The following SDHAF3 variants were observed in gnomAD, a reference collection of about 807,000 sequenced individuals.
SDHAF3 encodes the protein succinate dehydrogenase complex assembly factor 3.
Under a neutral mutation model 11.5 loss-of-function variants are expected in SDHAF3, and 18 were observed. That is an observed-to-expected ratio of 1.56 (90% confidence interval 1.08 to 2.32). SDHAF3 has a LOEUF of 2.32. Ranked by LOEUF, SDHAF3 falls within the 30% of genes most tolerant of loss-of-function variation. The probability of loss-of-function intolerance (pLI) is 0.00; values close to 1 mark genes in which losing one functional copy is unlikely to be tolerated. For missense variants in SDHAF3, 200 were observed against 154.4 expected, an observed-to-expected ratio of 1.30 and a Z score of -1.57; for synonymous variants, 72 against 59.3, an observed-to-expected ratio of 1.21 and a Z score of -0.99.
intron 1 of SDHAF3, among the ~76,000 whole-genome samples, chr7:97,122,307 C>T (rs534824501): frequency 6.6e-6 from 1 of 152,204 alleles, no homozygotes; most frequent in South Asian, 2.1e-4. Flanking sequence ...TCATTGAAGG[C>T]TTTGTAAATG....
chr7:97,155,183 A>T (rs1232838060), intron 1 of SDHAF3, among the ~76,000 whole-genome samples: 1 of 152,224 alleles, frequency 6.6e-6, no homozygotes, highest in East Asian at 1.9e-4. Flanking sequence ...AATTGCATTA[A>T]ACGAGGTCAA....
intron 1 of SDHAF3, among the ~76,000 whole-genome samples, chr7:97,138,902 G>T (rs79140885): frequency 0.016 from 2,383 of 152,268 alleles, 63 homozygotes; most frequent in African/African-American, 0.054. Context: ...TACCCACTAG[G>T]TCCATTGGAC....
chr7:97,119,261 T>C (rs978932053), intron 1 of SDHAF3, among the ~76,000 whole-genome samples: 1 of 152,192 alleles, frequency 6.6e-6, no homozygotes. Flanking sequence ...AGAGTAGCTC[T>C]CTGTTGGGAG....
At chr7:97,171,074 T>C (rs1038809097) in intron 1 of SDHAF3, among the ~76,000 whole-genome samples, 1 of 152,188 alleles carries the variant, frequency 6.6e-6, no homozygotes, top group Admixed American at 6.5e-5. Flanking sequence ...CCAAAGTGTC[T>C]TTGAATTTAG....
intron 1 of SDHAF3, among the ~76,000 whole-genome samples, chr7:97,165,944 G>GT (rs1789497726): frequency 6.6e-6 from 1 of 152,170 alleles, no homozygotes; most frequent in Non-Finnish European, 1.5e-5. Context: ...AACATCAACA[G>GT]TAAGAAGTCT....
At chr7:97,169,322 TAATATC>T (rs1289404649) in intron 1 of SDHAF3, among the ~76,000 whole-genome samples, 3 of 152,140 alleles carry the variant, frequency 2.0e-5, no homozygotes, top group Non-Finnish European at 4.4e-5. Flanking sequence ...AAAAAAGTAT[TAATATC>T]ATGATCGTCT....
chr7:97,176,843 A>C (rs1190193908), intron 1 of SDHAF3, among the ~76,000 whole-genome samples: 3 of 152,158 alleles, frequency 2.0e-5, no homozygotes, highest in Non-Finnish European at 4.4e-5. Flanking sequence ...CAAAAATGGG[A>C]AAGTTATGTA....
chr7:97,129,703 C>A (rs1791636716), intron 1 of SDHAF3, among the ~76,000 whole-genome samples: 1 of 152,176 alleles, frequency 6.6e-6, no homozygotes, highest in Non-Finnish European at 1.5e-5. Context: ...TGGCCGGCAG[C>A]ACCCCTGCCC....
intron 1 of SDHAF3, among the ~76,000 whole-genome samples, chr7:97,140,100 G>A (rs1157266049): frequency 6.6e-6 from 1 of 152,044 alleles, no homozygotes; most frequent in African/African-American, 2.4e-5. Context: ...TCTTTGTCAT[G>A]AATTCTATGT....
chr7:97,171,146 C>T (rs888282635), intron 1 of SDHAF3, among the ~76,000 whole-genome samples: 2 of 151,846 alleles, frequency 1.3e-5, no homozygotes, highest in Non-Finnish European at 2.9e-5. Context: ...GTTTTTGCTC[C>T]TCTAGGAGGC....
chr7:97,174,994 C>T (rs77960590), intron 1 of SDHAF3, among the ~76,000 whole-genome samples: 16,327 of 152,096 alleles, frequency 0.11, 892 homozygotes, highest in Middle Eastern at 0.16. Context: ...TAGAGGCTTA[C>T]TAGGTGTATT....
chr7:97,118,611 GC>G (rs1791446004), intron 1 of SDHAF3, among the ~76,000 whole-genome samples: 1 of 151,458 alleles, frequency 6.6e-6, no homozygotes, highest in Non-Finnish European at 1.5e-5. Flanking sequence ...GGGGCTCGGG[GC>G]CCTGCAGGAT....
chr7:97,154,670 T>G (rs912224862), intron 1 of SDHAF3, among the ~76,000 whole-genome samples: 21 of 151,934 alleles, frequency 1.4e-4, no homozygotes, highest in Admixed American at 1.1e-3. Context: ...GGGGTTATTC[T>G]TTTGGTGTCA....
intron 1 of SDHAF3, among the ~76,000 whole-genome samples, chr7:97,134,047 A>C (rs1003476033): frequency 6.6e-6 from 1 of 152,220 alleles, no homozygotes; most frequent in Admixed American, 6.5e-5. Context: ...TTTAAGAACT[A>C]TCCCACTTAA....
At chr7:97,177,840 A>G (rs909724982) in intron 1 of SDHAF3, among the ~76,000 whole-genome samples, 2 of 152,162 alleles carry the variant, frequency 1.3e-5, no homozygotes, top group African/African-American at 4.8e-5. Flanking sequence ...ATTTTCTTTT[A>G]CATACTTAAC....
intron 1 of SDHAF3, among the ~76,000 whole-genome samples, chr7:97,120,451 A>G (rs1255899276): frequency 2.0e-5 from 3 of 152,100 alleles, no homozygotes; most frequent in Non-Finnish European, 4.4e-5. Flanking sequence ...GAGAAGTTTT[A>G]TCACCAGAGA....
intron 1 of SDHAF3, among the ~76,000 whole-genome samples, chr7:97,161,183 G>A (rs1443792938): frequency 6.6e-6 from 1 of 152,138 alleles, no homozygotes; most frequent in Admixed American, 6.6e-5. Flanking sequence ...TTGCCTGTCT[G>A]TAGGCTAATG....
At chr7:97,138,452 C>T (rs1788967361) in intron 1 of SDHAF3, among the ~76,000 whole-genome samples, 1 of 152,196 alleles carries the variant, frequency 6.6e-6, no homozygotes, top group Non-Finnish European at 1.5e-5. Context: ...CATGAGCCAC[C>T]ACTGCCCAGC....
At chr7:97,129,962 G>A (rs1236551396) in intron 1 of SDHAF3, among the ~76,000 whole-genome samples, 1 of 152,204 alleles carries the variant, frequency 6.6e-6, no homozygotes, top group Admixed American at 6.5e-5. Flanking sequence ...GTGCGAGGCT[G>A]TGGCTGGACC....
Sources: gnomAD v4.1 joint callset for allele counts (sites outside exome capture counted in the v4.1 genomes callset) on GRCh38, gnomAD v4.1.1 for gene constraint, MANE v1.5 for transcripts, NCBI Gene and HGNC (gene_info 2026-07-23, HGNC 2026-07-21) for gene names.